CGNL1: variants seen among roughly 807,000 people sequenced by gnomAD.
The protein encoded by CGNL1 is cingulin like 1, also known as cingulin-like protein 1.
Under a neutral mutation model 141.2 loss-of-function variants are expected in CGNL1, and 132 were observed. The observed-to-expected ratio is 0.93, with a 90% CI of 0.81 to 1.08. CGNL1 has a LOEUF of 1.08. Ranked by LOEUF, CGNL1 falls within the 50% of genes least tolerant of loss-of-function variation. The pLI is 0.00. For missense variants in CGNL1, 1,870 were observed against 1,588.6 expected, an observed-to-expected ratio of 1.18 and a Z score of -3.01; for synonymous variants, 690 against 622.1, an observed-to-expected ratio of 1.11 and a Z score of -1.63.
intron 8 of CGNL1, among the ~76,000 whole-genome samples, chr15:57,508,868 G>T (rs1367847352): frequency 1.3e-5 from 2 of 152,234 alleles, no homozygotes; most frequent in Non-Finnish European, 2.9e-5. Flanking sequence ...GCGTTTTAAT[G>T]AGATCTCTAG....
At chr15:57,540,116 C>G (rs2032485857) in intron 14 of CGNL1, among the ~76,000 whole-genome samples, 3 of 152,158 alleles carry the variant, frequency 2.0e-5, no homozygotes, top group Admixed American at 1.3e-4. Context: ...TGGCTAATTC[C>G]TTCCAACACT....
At chr15:57,506,263 G>A (rs759795710) in intron 8 of CGNL1, among the ~76,000 whole-genome samples, 6 of 152,314 alleles carry the variant, frequency 3.9e-5, no homozygotes, top group Admixed American at 2.6e-4. Flanking sequence ...AGTCCCTTCC[G>A]CCAGCCAGCA....
Position 57,453,666 on chromosome 15 carries a change from G to A in CGNL1, c.2055-17G>A, listed in dbSNP as rs1408866738. The A allele has an allele frequency of 1.2e-6, 2 of 1,613,096 alleles. No homozygotes were observed. The highest frequency in any genetic ancestry group is 1.7e-6 in the Non-Finnish European group (2 of 1,179,592). On this transcript the variant is annotated splice_polypyrimidine_tract_variant and intron_variant, in intron 6 of 18. Transcript: ENST00000281282. Reference sequence around the variant, plus strand: ...GAGCCCAGAAGAGCCTGTCTAATGGGCTTCCTTCCCTGCCAGGCTATTCCA... The same window carrying A: ...GAGCCCAGAAGAGCCTGTCTAATGGACTTCCTTCCCTGCCAGGCTATTCCA...
intron 16 of CGNL1, 42 bp downstream of exon 16, chr15:57,544,639 G>A (rs755004924): frequency 3.2e-6 from 5 of 1,551,670 alleles, no homozygotes; most frequent in Non-Finnish European, 4.4e-6. Context: ...GCCCCAGTGG[G>A]CAGTGACAGT....
At position 57,511,175 on chromosome 15, in the gene CGNL1, C is replaced by T. The variant is rs2152399843; in HGVS notation, c.2404-5605C>T. 2.0e-5 allele frequency among the ~76,000 whole-genome samples: 3 copies of T among 152,322 alleles called. No individual in the cohort carries two copies. In the East Asian group the frequency reaches 5.8e-4, roughly 29 times the overall value. ...CTTCCTTCTGCTGTTTTCCACATAG[C>T]CCCAGTTTCCTGCCTCATAGTCAGT... On this transcript the variant is annotated intron_variant, in intron 8 of 18. Coordinates refer to ENST00000281282, the MANE Select transcript of CGNL1 (RefSeq NM_032866.5).
At chr15:57,437,644 A>AAAAAAAAAAAAAAAAAT (rs2063122312) in intron 1 of CGNL1, among the ~76,000 whole-genome samples, 1 of 144,734 alleles carries the variant, frequency 6.9e-6, no homozygotes, top group Non-Finnish European at 1.5e-5. Context: ...AAAAAAAAAA[A>AAAAAAAAAAAAAAAAAT]AAAAAGGCAA....
intron 1 of CGNL1, among the ~76,000 whole-genome samples, chr15:57,406,604 G>T (rs2062725926): frequency 6.6e-6 from 1 of 152,174 alleles, no homozygotes; most frequent in East Asian, 1.9e-4. Flanking sequence ...GTAGTGACTA[G>T]ATCCTGAGAT....
chr15:57,541,820 G>A (rs1303888368), intron 14 of CGNL1, among the ~76,000 whole-genome samples: 2 of 152,202 alleles, frequency 1.3e-5, no homozygotes, highest in African/African-American at 4.8e-5. Context: ...TTCCTCTGCT[G>A]AACATTCTGA....
chr15:57,527,911 A>G (rs1339373326), intron 12 of CGNL1, among the ~76,000 whole-genome samples: 1 of 152,172 alleles, frequency 6.6e-6, no homozygotes, highest in African/African-American at 2.4e-5. Flanking sequence ...CCTGGGAAAC[A>G]TGTATTTAGT....
intron 10 of CGNL1, among the ~76,000 whole-genome samples, chr15:57,522,980 C>T (rs1163203737): frequency 6.6e-6 from 1 of 152,208 alleles, no homozygotes; most frequent in African/African-American, 2.4e-5. Context: ...ACTGCCTTTA[C>T]CCAAATGGAC....
At chr15:57,486,062 TGAGTCAG>T (rs2063781221) in intron 8 of CGNL1, among the ~76,000 whole-genome samples, 2 of 152,052 alleles carry the variant, frequency 1.3e-5, no homozygotes, top group African/African-American at 4.8e-5. Flanking sequence ...GAAGTGAGGG[TGAGTCAG>T]GAGCAGGGCC....
Position 57,543,750 on chromosome 15 carries a change from G to T in CGNL1, c.3346G>T (p.Glu1116Ter), listed in dbSNP as rs758352204. ...GGAGAGAGCTGCGAGACAAGACTTG[G>T]AGTGCGACAAGATTTCCCTGGAGAG... ...LQERAARQDL[E>*]CDKISLERQN... Residue 1116 changes from glutamate to a stop codon, truncating the protein, a stop_gained, in exon 15 of 19, where the codon GAG (glutamate) becomes TAG (stop). Coordinates refer to ENST00000281282, the MANE Select transcript of CGNL1 (RefSeq NM_032866.5). LOFTEE classifies it high-confidence loss of function. The T allele has an allele frequency of 3.7e-6, 6 of 1,613,982 alleles. No homozygotes were observed. The highest frequency in any genetic ancestry group is 5.1e-6 in the Non-Finnish European group (6 of 1,180,000).
intron 8 of CGNL1, among the ~76,000 whole-genome samples, chr15:57,481,713 AT>A (rs144468825): frequency 0.035 from 5,296 of 152,054 alleles, 319 homozygotes; most frequent in African/African-American, 0.12. Flanking sequence ...ATATGTTTTA[AT>A]TTTTTTCTTG....
intron 13 of CGNL1, among the ~76,000 whole-genome samples, chr15:57,531,014 G>A (rs1349950849): frequency 6.6e-6 from 1 of 152,176 alleles, no homozygotes; most frequent in Non-Finnish European, 1.5e-5. Flanking sequence ...AGTTGTAAGT[G>A]GGGTGGTTTG....
At chr15:57,517,024 G>T (rs2030868376) in intron 9 of CGNL1, 38 bp downstream of exon 9, 2 of 1,577,874 alleles carry the variant, frequency 1.3e-6, no homozygotes, top group Non-Finnish European at 1.7e-6. Context: ...TTTGGCAGCT[G>T]CTGCTCCTTC....
intron 4 of CGNL1, among the ~76,000 whole-genome samples, chr15:57,445,145 C>T (rs949235392): frequency 9.2e-5 from 14 of 152,152 alleles, no homozygotes; most frequent in Non-Finnish European, 1.9e-4. Flanking sequence ...CCTGTAGCCC[C>T]AGCTACTCAG....
chr15:57,455,654 G>A (rs573442803), intron 7 of CGNL1, among the ~76,000 whole-genome samples: 4 of 152,178 alleles, frequency 2.6e-5, no homozygotes, highest in South Asian at 2.1e-4. Context: ...ATAATTTTTC[G>A]TATTTAAATT....
At chr15:57,502,071 G>A (rs879507922) in intron 8 of CGNL1, among the ~76,000 whole-genome samples, 3 of 152,192 alleles carry the variant, frequency 2.0e-5, no homozygotes, top group Non-Finnish European at 2.9e-5. Context: ...AACTTGCAGG[G>A]AGCGTTGTTT....
intron 8 of CGNL1, among the ~76,000 whole-genome samples, chr15:57,465,462 C>G (rs553085191): frequency 3.6e-5 from 5 of 137,110 alleles, no homozygotes; most frequent in East Asian, 2.2e-4. Context: ...ATGATCTCGT[C>G]TCATTGCAAC....
Sources: gnomAD v4.1 joint callset for allele counts (sites outside exome capture counted in the v4.1 genomes callset) on GRCh38, gnomAD v4.1.1 for gene constraint, MANE v1.5 for transcripts, NCBI Gene and HGNC (gene_info 2026-07-23, HGNC 2026-07-21) for gene names.